The following TMOD3 variants were observed in gnomAD, a reference collection of about 807,000 sequenced individuals.
TMOD3 encodes tropomodulin 3.
In TMOD3, 20 loss-of-function variants were observed where a neutral mutation model predicts 39.2. That is an observed-to-expected ratio of 0.51 (90% CI 0.36 to 0.74). The LOEUF (loss-of-function observed/expected upper bound fraction) is 0.74. Among genes scored for constraint, TMOD3 ranks in the 30% least tolerant of loss-of-function variants. The pLI, the probability that TMOD3 is intolerant of heterozygous loss-of-function variation, is 0.00. For missense variants in TMOD3, 381 were observed against 412.8 expected (o/e 0.92, Z 0.67); for synonymous variants, 143 against 145.8 (o/e 0.98, Z 0.14).
intron 1 of TMOD3, among the ~76,000 whole-genome samples, chr15:51,842,754 G>A (rs960035186): frequency 7.2e-5 from 11 of 152,046 alleles, no homozygotes; most frequent in African/African-American, 2.7e-4. Context: ...ATCTCTTTTT[G>A]AGTGGTATTA....
chr15:51,876,502 C>G (rs908448788), intron 3 of TMOD3, among the ~76,000 whole-genome samples: 4 of 148,986 alleles, frequency 2.7e-5, no homozygotes, highest in Admixed American at 1.3e-4. Flanking sequence ...CGCTCTGTTT[C>G]CCAGGCTGGA....
In TMOD3 at chr15:51,879,080, A is replaced by G. The variant is rs945111903; in HGVS notation, c.284-8509A>G. Among the ~76,000 whole-genome samples, 25 of 152,186 alleles carry G rather than the reference A, an allele frequency of 1.6e-4. 1 individual carries two copies. The highest frequency in any genetic ancestry group is 6.5e-5 in the Admixed American group (1 of 15,276). On this transcript the variant is annotated intron_variant, in intron 3 of 9. Coordinates refer to ENST00000308580, the MANE Select transcript of TMOD3 (RefSeq NM_014547.5). ...TGGAATTGTTAACATGGATCACAGT[A>G]TTTCTTACTGATTTTGTGACAATAA...
At chr15:51,864,734 G>A (rs2554330) in intron 2 of TMOD3, among the ~76,000 whole-genome samples, 1 of 152,086 alleles carries the variant, frequency 6.6e-6, no homozygotes, top group South Asian at 2.1e-4. Flanking sequence ...CAGGCTCAGG[G>A]CTATGTAACT....
Position 51,914,462 on chromosome 15 carries a change from G to A in TMOD3, c.*5652G>A, listed in dbSNP as rs562548790. ...GCGGATCACTTGAGGTCAGGAGTACGAGACCAGTCTGGCCAACATGGTGAA... is the reference window on the plus strand; with the variant it reads ...GCGGATCACTTGAGGTCAGGAGTACAAGACCAGTCTGGCCAACATGGTGAA... On this transcript the variant is annotated 3_prime_UTR_variant, in exon 10 of 10. Coordinates refer to ENST00000308580, the MANE Select transcript of TMOD3 (RefSeq NM_014547.5). The A allele has an allele frequency of 5.9e-5, 9 of 152,216 alleles. No homozygotes were observed. Among genetic ancestry groups the A allele is most frequent in the Admixed American group, 3.3e-4 (5 of 15,288 alleles). 9.4% of individuals were successfully genotyped at this position (152,216 alleles called of 1,614,324 possible).
At chr15:51,908,732 A>C in intron 9 of TMOD3, 44 bp from the exon 10 acceptor site, 1 of 1,537,218 alleles carries the variant, frequency 6.5e-7, no homozygotes. Flanking sequence ...CATTGTAAAA[A>C]CTAATAGGGA....
chr15:51,885,877 G>GC (rs1482431912), intron 3 of TMOD3, among the ~76,000 whole-genome samples: 1 of 145,602 alleles, frequency 6.9e-6, no homozygotes, highest in Admixed American at 6.7e-5. Context: ...GGGCAGAGGC[G>GC]CCCCCCACCT....
chr15:51,899,342 A>C (rs986996342), intron 7 of TMOD3, among the ~76,000 whole-genome samples: 3 of 152,184 alleles, frequency 2.0e-5, no homozygotes, highest in African/African-American at 7.2e-5. Flanking sequence ...GTGACCAAAA[A>C]ATCAAAAGAT....
chr15:51,868,015 G>A (rs2056455766), intron 2 of TMOD3, among the ~76,000 whole-genome samples: 2 of 152,110 alleles, frequency 1.3e-5, no homozygotes, highest in Non-Finnish European at 2.9e-5. Context: ...GGGTCCCTTG[G>A]GGCATGTGAA....
intron 1 of TMOD3, among the ~76,000 whole-genome samples, chr15:51,830,789 CA>C (rs2056251166): frequency 6.6e-6 from 1 of 152,134 alleles, no homozygotes; most frequent in Non-Finnish European, 1.5e-5. Context: ...ATTGGCCCGT[CA>C]AAAATATATT....
chr15:51,902,642 G>GTTTTTTTT lies in TMOD3; in HGVS notation c.1024+607_1024+608insTTTTTTTT, dbSNP rs1286780618. On this transcript the variant is annotated intron_variant, in intron 9 of 9. Transcript: ENST00000308580. The stretch of plus-strand genomic sequence containing the variant: ...TGCGCGCCGTGCCCAGCTAATTTTT[G>GTTTTTTTT]TATTTTTTTTTTTTTTTTTTTTTTT... Among the ~76,000 whole-genome samples the GTTTTTTTT allele has an allele frequency of 2.5e-4, 16 of 63,354 alleles. 3 individuals carry two copies. The highest frequency in any genetic ancestry group is 3.5e-4 in the African/African-American group (5 of 14,378). The allele number at this position is 63,354 out of a possible 152,430, so 41.6% of individuals were successfully genotyped here. A position where few individuals can be genotyped will look rare whatever the true frequency, so the allele number is the denominator to read the frequency against.
chr15:51,888,088 T>C (rs1158346033), intron 4 of TMOD3, among the ~76,000 whole-genome samples: 2 of 152,150 alleles, frequency 1.3e-5, no homozygotes, highest in Admixed American at 6.5e-5. Context: ...GACCGAGAGA[T>C]GAGTAACTAG....
intron 1 of TMOD3, among the ~76,000 whole-genome samples, chr15:51,830,783 G>T (rs1444776508): frequency 6.6e-6 from 1 of 151,986 alleles, no homozygotes; most frequent in Non-Finnish European, 1.5e-5. Flanking sequence ...TGATTAATTG[G>T]CCCGTCAAAA....
chr15:51,873,091 C>A (rs1372846969), intron 3 of TMOD3, among the ~76,000 whole-genome samples: 2 of 152,236 alleles, frequency 1.3e-5, no homozygotes, highest in Non-Finnish European at 2.9e-5. Flanking sequence ...CCTAGACTCT[C>A]ATCTTTAAAG....
At position 51,830,251 on chromosome 15, in the gene TMOD3, C is replaced by T. The variant is rs113068829; in HGVS notation, c.-75+415C>T. Among the ~76,000 whole-genome samples the T allele has an allele frequency of 5.6e-3, 851 of 152,170 alleles. 10 individuals are homozygous for T. The highest frequency in any genetic ancestry group is 0.019 in the African/African-American group (809 of 41,528). On this transcript the variant is annotated intron_variant, in intron 1 of 9. Coordinates refer to ENST00000308580, the MANE Select transcript of TMOD3 (RefSeq NM_014547.5). Reference sequence around the variant, plus strand: ...AGGCTTCGGCTTGTTGAAAGTGGGGCGGCGGAGTGGGGGAGCCAAAACTTA... The same window carrying T: ...AGGCTTCGGCTTGTTGAAAGTGGGGTGGCGGAGTGGGGGAGCCAAAACTTA...
chr15:51,900,298 G>A lies in TMOD3; in HGVS notation c.879G>A (p.Gln293=), dbSNP rs1336851652. The A allele has an allele frequency of 6.2e-7, 1 of 1,613,970 alleles. No individual in the cohort carries two copies. The highest frequency in any genetic ancestry group is 1.7e-5 in the Admixed American group (1 of 59,976). Residue 293 remains glutamine, a splice_region_variant and synonymous_variant, in exon 8 of 10, where the codon CAG becomes CAA. Transcript: ENST00000308580. ...TGGCAGAGCTCAAGATTGACAATCA[G>A]GTCAATGTTCTACAATAATAACGTC... is the stretch of plus-strand genomic sequence containing the variant. ...ETLAELKIDN[Q]RQQLGTAVEL... is the part of the protein sequence containing the mutation.
chr15:51,859,774 GTC>G (rs780317495), intron 1 of TMOD3: 10 of 497,304 alleles, frequency 2.0e-5, no homozygotes, highest in Non-Finnish European at 4.1e-5. Flanking sequence ...TTGTCCCAGA[GTC>G]TCTATAAACA....
chr15:51,860,375 G>C, intron 1 of TMOD3: 1 of 543,674 alleles, frequency 1.8e-6, no homozygotes, highest in Non-Finnish European at 3.7e-6. Flanking sequence ...CCACATCCAT[G>C]TTGGCTTTTT....
chr15:51,851,354 A>C (rs1257626429), intron 1 of TMOD3, among the ~76,000 whole-genome samples: 2 of 152,248 alleles, frequency 1.3e-5, no homozygotes, highest in Non-Finnish European at 2.9e-5. Context: ...AGGCGTGACA[A>C]GTTATTTGCT....
At chr15:51,882,320 C>G (rs2056539023) in intron 3 of TMOD3, among the ~76,000 whole-genome samples, 1 of 151,806 alleles carries the variant, frequency 6.6e-6, no homozygotes, top group African/African-American at 2.4e-5. Flanking sequence ...AGGTGGATCA[C>G]TTGAGGTCAG....
Sources: gnomAD v4.1 joint callset for allele counts (sites outside exome capture counted in the v4.1 genomes callset) on GRCh38, gnomAD v4.1.1 for gene constraint, MANE v1.5 for transcripts, NCBI Gene and HGNC (gene_info 2026-07-23, HGNC 2026-07-21) for gene names.